The following HYCC2 variants were observed in gnomAD, a reference collection of about 807,000 sequenced individuals.
The protein encoded by HYCC2 is hyccin 2.
At chr2:201,020,391 TGAGG>T in the HYCC2 span, among the ~76,000 whole-genome samples, 77 of 152,226 alleles carry the variant, frequency 5.1e-4, 1 homozygote, top group Admixed American at 2.0e-4. Flanking sequence ...TTAAAGAATG[TGAGG>T]TGAAGAAATG....
the HYCC2 span, among the ~76,000 whole-genome samples, chr2:201,014,755 C>G: frequency 6.6e-6 from 1 of 152,016 alleles, no homozygotes; most frequent in Non-Finnish European, 1.5e-5. Flanking sequence ...TTTTCTTGTA[C>G]CTTATTACCT....
chr2:201,047,643 G>A, the HYCC2 span, among the ~76,000 whole-genome samples: 9 of 150,814 alleles, frequency 6.0e-5, no homozygotes, highest in African/African-American at 2.0e-4. Flanking sequence ...CCAGGATGCC[G>A]TAAACTAGAG....
chr2:201,018,723 C>T, the HYCC2 span, among the ~76,000 whole-genome samples: 1 of 152,232 alleles, frequency 6.6e-6, no homozygotes, highest in East Asian at 1.9e-4. Context: ...TCCAGCTATT[C>T]ACAAGGTTGA....
chr2:200,975,551 A>G, the HYCC2 span: 11 of 152,100 alleles, frequency 7.2e-5, no homozygotes, highest in African/African-American at 1.9e-4. Context: ...TATCAAATCA[A>G]TATTAAACAT....
the HYCC2 span, chr2:200,988,507 G>GT: frequency 2.1e-6 from 2 of 947,794 alleles, no homozygotes; most frequent in Non-Finnish European, 3.1e-6. Context: ...TTTCGAATAT[G>GT]TATTTAAAAT....
chr2:201,014,832 A>G, the HYCC2 span, among the ~76,000 whole-genome samples: 1 of 152,218 alleles, frequency 6.6e-6, no homozygotes, highest in Non-Finnish European at 1.5e-5. Flanking sequence ...TACACAAAAT[A>G]TAAGACTTCA....
chr2:201,042,248 TC>T, the HYCC2 span, among the ~76,000 whole-genome samples: 1 of 152,180 alleles, frequency 6.6e-6, no homozygotes. Flanking sequence ...GGAGTCTCGC[TC>T]ACTCAATGCT....
the HYCC2 span, among the ~76,000 whole-genome samples, chr2:201,015,480 C>A: frequency 6.6e-6 from 1 of 152,140 alleles, no homozygotes; most frequent in East Asian, 1.9e-4. Context: ...CTGATGTCCT[C>A]CCCTCAGAGA....
the HYCC2 span, among the ~76,000 whole-genome samples, chr2:201,015,434 A>C: frequency 6.6e-6 from 1 of 152,182 alleles, no homozygotes; most frequent in Non-Finnish European, 1.5e-5. Flanking sequence ...AAAAATCCTA[A>C]CATGCTATAA....
the HYCC2 span, among the ~76,000 whole-genome samples, chr2:201,026,491 C>A: frequency 6.6e-6 from 1 of 152,180 alleles, no homozygotes; most frequent in African/African-American, 2.4e-5. Flanking sequence ...AACTCTCCAC[C>A]CCAAATCAAC....
At chr2:201,069,574 AC>A in the HYCC2 span, among the ~76,000 whole-genome samples, 51 of 148,120 alleles carry the variant, frequency 3.4e-4, no homozygotes, top group African/African-American at 1.2e-3. Context: ...ACACACACAC[AC>A]ACACACACAC....
the HYCC2 span, among the ~76,000 whole-genome samples, chr2:201,043,798 G>A: frequency 6.6e-5 from 10 of 152,074 alleles, no homozygotes; most frequent in Middle Eastern, 3.4e-3. Context: ...GTGAGCCACC[G>A]CGCCTGGCCA....
At chr2:201,070,698 C>T in the HYCC2 span, among the ~76,000 whole-genome samples, 34 of 152,068 alleles carry the variant, frequency 2.2e-4, no homozygotes, top group African/African-American at 7.7e-4. Context: ...AGACCACCAC[C>T]TTATTTGCAC....
chr2:201,028,438 T>C, the HYCC2 span, among the ~76,000 whole-genome samples: 13 of 152,322 alleles, frequency 8.5e-5, no homozygotes, highest in Admixed American at 1.3e-4. Context: ...CCAATGACTT[T>C]CTTCACAGAA....
chr2:201,048,561 A>G, the HYCC2 span, among the ~76,000 whole-genome samples: 7,626 of 144,076 alleles, frequency 0.053, 448 homozygotes, highest in African/African-American at 0.15. Context: ...TATTTTATGT[A>G]TGGCCCAAGA....
chr2:201,070,478 C>G, the HYCC2 span, among the ~76,000 whole-genome samples: 5 of 152,028 alleles, frequency 3.3e-5, no homozygotes, highest in Non-Finnish European at 7.4e-5. Context: ...CATGGAGAAA[C>G]CCCGTATCTA....
the HYCC2 span, among the ~76,000 whole-genome samples, chr2:201,039,574 T>C: frequency 2.0e-5 from 3 of 152,194 alleles, no homozygotes; most frequent in South Asian, 4.1e-4. Flanking sequence ...TGTTGTCTTT[T>C]TTTCGGTCAG....
the HYCC2 span, chr2:200,987,672 ATG>A: frequency 8.7e-5 from 47 of 540,396 alleles, no homozygotes; most frequent in Non-Finnish European, 1.2e-4. Flanking sequence ...ATGTGTGTGC[ATG>A]CTGTGCACAC....
At chr2:201,016,363 A>G in the HYCC2 span, among the ~76,000 whole-genome samples, 1 of 152,108 alleles carries the variant, frequency 6.6e-6, no homozygotes, top group Non-Finnish European at 1.5e-5. Context: ...ATCATGGCTC[A>G]CTGCATCCTC....
Sources: gnomAD v4.1 joint callset for allele counts (sites outside exome capture counted in the v4.1 genomes callset) on GRCh38, gnomAD v4.1.1 for gene constraint, MANE v1.5 for transcripts, NCBI Gene and HGNC (gene_info 2026-07-23, HGNC 2026-07-21) for gene names.